The following SLC35F4 variants were observed in gnomAD, a reference collection of about 807,000 sequenced individuals.
SLC35F4 encodes chromosome 14 open reading frame 36.
In SLC35F4, 24 loss-of-function variants were observed where a neutral mutation model predicts 44.2. The observed-to-expected ratio is 0.54, with a 90% CI of 0.39 to 0.76. The LOEUF is 0.76. Among genes scored for constraint, SLC35F4 ranks in the 30% least tolerant of loss-of-function variants. The pLI, the probability that SLC35F4 is intolerant of heterozygous loss-of-function variation, is 0.00. For missense variants in SLC35F4, 562 were observed against 586.1 expected (o/e 0.96, Z 0.42); for synonymous variants, 238 against 223.6 (o/e 1.06, Z -0.57).
At chr14:57,925,526 G>T in intron 1 of SLC35F4, among the ~76,000 whole-genome samples, 2 of 119,724 alleles carry the variant, frequency 1.7e-5, no homozygotes, top group East Asian at 2.6e-4. Flanking sequence ...AGGGAGGGAG[G>T]GAGGGAGGGA....
chr14:57,781,485 C>A (rs1214212706), intron 1 of SLC35F4, among the ~76,000 whole-genome samples: 1 of 152,080 alleles, frequency 6.6e-6, no homozygotes, highest in African/African-American at 2.4e-5. Flanking sequence ...TTAGTTCAAC[C>A]ATTGTAGAAA....
intron 1 of SLC35F4, among the ~76,000 whole-genome samples, chr14:57,769,564 C>G (rs991858365): frequency 9.2e-5 from 14 of 152,310 alleles, no homozygotes; most frequent in African/African-American, 3.4e-4. Context: ...ACCTGCCTTT[C>G]TCATTTTAGA....
chr14:57,730,778 A>G (rs1357777526), intron 1 of SLC35F4, among the ~76,000 whole-genome samples: 3 of 151,902 alleles, frequency 2.0e-5, no homozygotes, highest in African/African-American at 7.3e-5. Flanking sequence ...ACCTGTATTT[A>G]TCTCATAAGT....
intron 1 of SLC35F4, among the ~76,000 whole-genome samples, chr14:57,797,844 C>T (rs1458389263): frequency 6.6e-6 from 1 of 152,104 alleles, no homozygotes; most frequent in Non-Finnish European, 1.5e-5. Flanking sequence ...GGGGAAGGTA[C>T]TTCCCCATCC....
At chr14:57,607,218 T>A (rs1260548973) in intron 1 of SLC35F4, among the ~76,000 whole-genome samples, 1 of 152,190 alleles carries the variant, frequency 6.6e-6, no homozygotes, top group Non-Finnish European at 1.5e-5. Context: ...AAAATATTTA[T>A]GCCTTGTTCA....
At chr14:57,945,645 G>C (rs1244940953) in intron 1 of SLC35F4, among the ~76,000 whole-genome samples, 1 of 151,934 alleles carries the variant, frequency 6.6e-6, no homozygotes, top group Non-Finnish European at 1.5e-5. Flanking sequence ...CCCAGTAGTG[G>C]GATTGCTGGA....
upstream of SLC35F4, among the ~76,000 whole-genome samples, chr14:57,866,957 A>AAATAAT (rs4035380): frequency 0.18 from 24,225 of 135,808 alleles, 2,240 homozygotes; most frequent in Non-Finnish European, 0.21. Flanking sequence ...AGCTTCCTGC[A>AAATAAT]AATAATAATA....
intron 1 of SLC35F4, among the ~76,000 whole-genome samples, chr14:57,676,709 G>A (rs2074706332): frequency 6.6e-6 from 1 of 152,014 alleles, no homozygotes; most frequent in Admixed American, 6.6e-5. Context: ...AAACCACAAT[G>A]AGATACCACC....
In SLC35F4 at chr14:57,865,915, G is replaced by T; in HGVS notation, c.-90C>A. 1 of 845,166 alleles carries T rather than the reference G, an allele frequency of 1.2e-6. No individual in the cohort carries two copies. The highest frequency in any genetic ancestry group is 1.7e-6 in the Non-Finnish European group (1 of 585,518). The allele number at this position is 845,166 out of a possible 1,614,324, so 52.4% of individuals were successfully genotyped here. A position where few individuals can be genotyped will look rare whatever the true frequency, so the allele number is the denominator to read the frequency against. ...TGGTGCAGGTGCCGGAGCCGCTGGTGCTGATCTTGCAGCTCCTGCTCCCGC... is the reference window on the plus strand; with the variant it reads ...TGGTGCAGGTGCCGGAGCCGCTGGTTCTGATCTTGCAGCTCCTGCTCCCGC... On this transcript the variant is annotated 5_prime_UTR_variant, in exon 1 of 8. Transcript: ENST00000556826.
intron 1 of SLC35F4, among the ~76,000 whole-genome samples, chr14:57,904,859 C>A (rs1889077121): frequency 6.6e-6 from 1 of 152,138 alleles, no homozygotes; most frequent in Non-Finnish European, 1.5e-5. Flanking sequence ...CTATGCTTTT[C>A]ATTACTTCTC....
At chr14:57,608,489 G>A (rs1019935965) in intron 1 of SLC35F4, among the ~76,000 whole-genome samples, 3 of 152,134 alleles carry the variant, frequency 2.0e-5, no homozygotes, top group East Asian at 1.9e-4. Context: ...GAAGCTATGG[G>A]GGAGGTGGTG....
chr14:57,929,965 C>G (rs539766720), intron 1 of SLC35F4, among the ~76,000 whole-genome samples: 95 of 152,214 alleles, frequency 6.2e-4, no homozygotes, highest in Non-Finnish European at 6.2e-4. Context: ...CCCTAGCAAC[C>G]TACTTTTCTT....
chr14:57,659,154 A>C (rs1009079230), intron 1 of SLC35F4, among the ~76,000 whole-genome samples: 1 of 152,206 alleles, frequency 6.6e-6, no homozygotes, highest in Admixed American at 6.5e-5. Context: ...TTAATTACCA[A>C]GGAAACTCAA....
chr14:57,737,098 T>TTGTGTGTGTGTG (rs5808938), intron 1 of SLC35F4, among the ~76,000 whole-genome samples: 2 of 148,766 alleles, frequency 1.3e-5, no homozygotes, highest in African/African-American at 5.0e-5. Context: ...CTTTCTATCT[T>TTGTGTGTGTGTG]TGTGTGTGTG....
chr14:57,661,437 C>T (rs2074133779), intron 1 of SLC35F4, among the ~76,000 whole-genome samples: 1 of 152,140 alleles, frequency 6.6e-6, no homozygotes, highest in African/African-American at 2.4e-5. Context: ...TCCAGCTCAA[C>T]CTAGAGAAGT....
At chr14:57,644,020 T>A (rs1316303370) in intron 1 of SLC35F4, among the ~76,000 whole-genome samples, 1 of 152,196 alleles carries the variant, frequency 6.6e-6, no homozygotes, top group African/African-American at 2.4e-5. Flanking sequence ...TCTATCATTG[T>A]TGGACATTTG....
chr14:57,801,748 T>C (rs2078198769), intron 1 of SLC35F4, among the ~76,000 whole-genome samples: 1 of 152,078 alleles, frequency 6.6e-6, no homozygotes, highest in Non-Finnish European at 1.5e-5. Context: ...GGAAATTACA[T>C]AAAGGTAAAG....
intron 1 of SLC35F4, among the ~76,000 whole-genome samples, chr14:57,710,295 A>G (rs2075785270): frequency 6.6e-6 from 1 of 152,188 alleles, no homozygotes; most frequent in Admixed American, 6.5e-5. Context: ...AGAAGTCAAG[A>G]ATTGAGCTTT....
Position 57,857,537 on chromosome 14 carries a change from A to T in SLC35F4, c.103+8186T>A, listed in dbSNP as rs140746163. ...TATCTCTCTAATTTCTTCAAATGGAACTAAATATTTCATTCGTTAGCACAA... is the reference window on the plus strand; with the variant it reads ...TATCTCTCTAATTTCTTCAAATGGATCTAAATATTTCATTCGTTAGCACAA... On this transcript the variant is annotated intron_variant, in intron 1 of 7. Transcript: ENST00000556826. Among the ~76,000 whole-genome samples, 335 of 152,192 alleles carry T rather than the reference A, an allele frequency of 2.2e-3. 1 individual carries two copies. Among genetic ancestry groups the T allele is most frequent in the South Asian group, 0.02 (95 of 4,826 alleles).
Sources: allele counts gnomAD v4.1 joint callset (sites outside exome capture counted in the v4.1 genomes callset), GRCh38; gene constraint gnomAD v4.1.1; transcripts MANE v1.5; gene names NCBI Gene and HGNC (gene_info 2026-07-23, HGNC 2026-07-21).